Variants in FNIP2 observed in about 807,000 individuals in gnomAD.
FNIP2 encodes folliculin interacting protein 2.
A neutral mutation model predicts 108.7 loss-of-function variants in FNIP2; 32 were observed. The ratio of observed to expected loss-of-function variants is 0.29; its 90% CI spans 0.22 to 0.40. The LOEUF is 0.40. Among genes scored for constraint, FNIP2 ranks in the 10% least tolerant of loss-of-function variants. The pLI, the probability that FNIP2 is intolerant of heterozygous loss-of-function variation, is 1.00. For synonymous variants in FNIP2, 480 were observed against 496.7 expected, an observed-to-expected ratio of 0.97 and a Z score of 0.45; for missense variants, 1,202 against 1,381.6, an observed-to-expected ratio of 0.87 and a Z score of 2.06.
chr4:158,792,263 T>C (rs1449610715), intron 1 of FNIP2, among the ~76,000 whole-genome samples: 1 of 152,156 alleles, frequency 6.6e-6, no homozygotes, highest in Non-Finnish European at 1.5e-5. Flanking sequence ...GGCAAAATAT[T>C]TGAGTCACTT....
rs544467236 is a variant in FNIP2 at position 158,770,108 on chromosome 4, A to G, written c.107+789A>G. On this transcript the variant is annotated intron_variant, in intron 1 of 16. Transcript: ENST00000264433. ...TTTACAGGTGAGGAAACTTAAAGTC[A>G]CAGATAACTTAGGCGGCTTGCCCAA... Among the ~76,000 whole-genome samples, 5 of 152,338 alleles carry G rather than the reference A, an allele frequency of 3.3e-5. No homozygotes were observed. The East Asian group carries it at 9.6e-4, about 29-fold the overall frequency.
chr4:158,877,018 G>T (rs1157569737), intron 14 of FNIP2, among the ~76,000 whole-genome samples: 1 of 152,114 alleles, frequency 6.6e-6, no homozygotes, highest in African/African-American at 2.4e-5. Context: ...CTACCTACAA[G>T]ATATTTGAAC....
chr4:158,777,786 AC>A (rs1775907586), intron 1 of FNIP2, among the ~76,000 whole-genome samples: 1 of 152,204 alleles, frequency 6.6e-6, no homozygotes, highest in Non-Finnish European at 1.5e-5. Flanking sequence ...TGCCATGTGT[AC>A]CTGAGAAATT....
intron 14 of FNIP2, among the ~76,000 whole-genome samples, chr4:158,888,882 A>T (rs1193500576): frequency 7.3e-6 from 1 of 136,074 alleles, no homozygotes; most frequent in Non-Finnish European, 1.6e-5. Context: ...TCTCAAAAAA[A>T]AAAAAAAAAA....
At chr4:158,806,126 GATT>G (rs1041750244) in intron 1 of FNIP2, 14 of 1,195,170 alleles carry the variant, frequency 1.2e-5, no homozygotes, top group African/African-American at 1.6e-5. Flanking sequence ...GGAGTGAAAT[GATT>G]GTTTAGAACT....
At chr4:158,794,573 C>T (rs968592724) in intron 1 of FNIP2, 8 of 152,292 alleles carry the variant, frequency 5.3e-5, no homozygotes, top group East Asian at 3.9e-4. Flanking sequence ...CCTATCAACC[C>T]GTCACCTAGC....
intron 14 of FNIP2, among the ~76,000 whole-genome samples, chr4:158,877,890 T>C (rs2126732757): frequency 6.6e-6 from 1 of 152,162 alleles, no homozygotes; most frequent in South Asian, 2.1e-4. Context: ...CAGTAAGCTA[T>C]GATGGAGCCA....
chr4:158,857,010 A>G (rs988434564), intron 8 of FNIP2, among the ~76,000 whole-genome samples: 2 of 152,344 alleles, frequency 1.3e-5, no homozygotes, highest in African/African-American at 2.4e-5. Flanking sequence ...GAAGCAAGTA[A>G]GTTCTCCACT....
chr4:158,772,792 G>A (rs1222944807), intron 1 of FNIP2, among the ~76,000 whole-genome samples: 1 of 152,052 alleles, frequency 6.6e-6, no homozygotes, highest in Non-Finnish European at 1.5e-5. Context: ...GGACACCCAC[G>A]GTCTCACCTA....
chr4:158,827,374 A>G (rs1449018238), intron 2 of FNIP2, among the ~76,000 whole-genome samples: 2 of 152,206 alleles, frequency 1.3e-5, no homozygotes, highest in African/African-American at 4.8e-5. Flanking sequence ...AAAGAAACAC[A>G]AGTTTTCAAA....
chr4:158,881,507 G>A (rs1172830449), intron 14 of FNIP2, among the ~76,000 whole-genome samples: 2 of 152,034 alleles, frequency 1.3e-5, no homozygotes, highest in East Asian at 3.9e-4. Flanking sequence ...CTGAGCCGAA[G>A]CTGGACTGTA....
Position 158,878,519 on chromosome 4 carries a change from G to T in FNIP2, c.2949+8050G>T, listed in dbSNP as rs553873060. Among the ~76,000 whole-genome samples, 6 of 152,282 alleles carry T rather than the reference G, an allele frequency of 3.9e-5. No homozygotes were observed. In the South Asian group the frequency reaches 1.2e-3, roughly 32 times the overall value. On this transcript the variant is annotated intron_variant, in intron 14 of 16. Transcript: ENST00000264433. Reference sequence around the variant, plus strand: ...GAGTGATTTGCGAATCCCTACCCAAGAAATAAACATAAAACCAGAAGCATA... The same window carrying T: ...GAGTGATTTGCGAATCCCTACCCAATAAATAAACATAAAACCAGAAGCATA...
intron 7 of FNIP2, among the ~76,000 whole-genome samples, chr4:158,839,863 A>G (rs994816543): frequency 1.3e-5 from 2 of 152,138 alleles, no homozygotes; most frequent in African/African-American, 2.4e-5. Context: ...AGAATCAGCC[A>G]TTTCTCCACT....
intron 1 of FNIP2, among the ~76,000 whole-genome samples, chr4:158,781,908 T>TA (rs1776063775): frequency 6.6e-6 from 1 of 152,182 alleles, no homozygotes; most frequent in Admixed American, 6.5e-5. Flanking sequence ...TTCTTTTTTT[T>TA]AATCTGTAAA....
intron 13 of FNIP2, among the ~76,000 whole-genome samples, chr4:158,869,860 A>G (rs1421494288): frequency 6.6e-6 from 1 of 152,214 alleles, no homozygotes; most frequent in African/African-American, 2.4e-5. Flanking sequence ...GGTGGTTGGG[A>G]AACAACACCT....
chr4:158,889,857 A>T (rs1194598123), intron 14 of FNIP2: 2 of 983,504 alleles, frequency 2.0e-6, no homozygotes, highest in Non-Finnish European at 2.4e-6. Context: ...AGTCGTCATC[A>T]TCTTGATATA....
intron 9 of FNIP2, 73 bp downstream of exon 9, chr4:158,859,331 C>T (rs141237938): frequency 3.4e-5 from 49 of 1,462,088 alleles, no homozygotes; most frequent in African/African-American, 2.0e-4. Flanking sequence ...ATTTCTTTGC[C>T]GATGTATCAG....
intron 15 of FNIP2, chr4:158,893,684 A>T (rs779508915): frequency 1.3e-6 from 2 of 1,586,336 alleles, no homozygotes; most frequent in African/African-American, 2.7e-5. Context: ...AAGCAGGTTG[A>T]GTTATGCTGA....
intron 1 of FNIP2, among the ~76,000 whole-genome samples, chr4:158,776,972 A>C (rs989929022): frequency 2.6e-5 from 4 of 152,184 alleles, no homozygotes; most frequent in Non-Finnish European, 4.4e-5. Context: ...AATATTAGTG[A>C]ATTATTTTCC....
Sources: gnomAD v4.1 joint callset for allele counts (sites outside exome capture counted in the v4.1 genomes callset) on GRCh38, gnomAD v4.1.1 for gene constraint, MANE v1.5 for transcripts, NCBI Gene and HGNC (gene_info 2026-07-23, HGNC 2026-07-21) for gene names.